Variants in FIP1L1 observed in about 807,000 individuals in gnomAD.
FIP1L1 encodes factor interacting with PAPOLA and CPSF1, also known as pre-mRNA 3'-end-processing factor FIP1.
In FIP1L1, 21 loss-of-function variants were observed where a neutral mutation model predicts 84.6. That is an observed-to-expected ratio of 0.25 (90% CI 0.18 to 0.36). FIP1L1 has a LOEUF of 0.36. Among genes scored for constraint, FIP1L1 ranks in the 10% least tolerant of loss-of-function variants. The probability of loss-of-function intolerance (pLI) is 1.00; values close to 1 mark genes in which losing one functional copy is unlikely to be tolerated. For missense variants in FIP1L1, 526 were observed against 751.1 expected (o/e 0.70, Z 3.50); for synonymous variants, 263 against 242.3 (o/e 1.09, Z -0.80).
intron 10 of FIP1L1, among the ~76,000 whole-genome samples, chr4:53,405,185 A>G (rs1412071034): frequency 1.3e-5 from 2 of 150,134 alleles, no homozygotes; most frequent in African/African-American, 5.0e-5. Flanking sequence ...TAATTTTTGT[A>G]TAAGGTGTAA....
rs1316199458 is a variant in FIP1L1 at position 53,459,786 on chromosome 4, T to G, written c.*337T>G. Reference sequence around the variant, plus strand: ...AAGGGTTCCACTTGGGCCACAGTTTTTTTGTTAATCAAACACCACTCTCTT... The same window carrying G: ...AAGGGTTCCACTTGGGCCACAGTTTGTTTGTTAATCAAACACCACTCTCTT... On this transcript the variant is annotated 3_prime_UTR_variant, in exon 18 of 18. Coordinates refer to ENST00000337488, the MANE Select transcript of FIP1L1 (RefSeq NM_030917.4). The G allele has an allele frequency of 3.1e-6, 1 of 320,502 alleles. No homozygotes were observed. The highest frequency in any genetic ancestry group is 2.2e-5 in the African/African-American group (1 of 46,410). The allele number at this position is 320,502 out of a possible 1,614,324, so 19.9% of individuals were successfully genotyped here.
chr4:53,425,547 A>G (rs764979944), intron 11 of FIP1L1, among the ~76,000 whole-genome samples: 4 of 152,068 alleles, frequency 2.6e-5, no homozygotes, highest in Non-Finnish European at 5.9e-5. Flanking sequence ...TTTGTCTAGC[A>G]TTTGCTGTCT....
At chr4:53,412,838 C>T (rs1390444989) in intron 10 of FIP1L1, among the ~76,000 whole-genome samples, 2 of 151,858 alleles carry the variant, frequency 1.3e-5, no homozygotes, top group Admixed American at 6.6e-5. Context: ...ATTTTAGTGC[C>T]AGTGATAATT....
At chr4:53,381,106 GA>G (rs527454913) in intron 3 of FIP1L1, among the ~76,000 whole-genome samples, 1 of 151,858 alleles carries the variant, frequency 6.6e-6, no homozygotes, top group African/African-American at 2.4e-5. Context: ...TCCTATGGGG[GA>G]AAAAACAATT....
At chr4:53,448,003 A>G (rs958132319) in intron 15 of FIP1L1, among the ~76,000 whole-genome samples, 1 of 151,992 alleles carries the variant, frequency 6.6e-6, no homozygotes, top group Non-Finnish European at 1.5e-5. Context: ...AACCTGTACC[A>G]TTGTTTTTCC....
chr4:53,437,660 G>A (rs1218254936), intron 13 of FIP1L1, among the ~76,000 whole-genome samples: 1 of 151,874 alleles, frequency 6.6e-6, no homozygotes, highest in Non-Finnish European at 1.5e-5. Context: ...TGTGTTTTAA[G>A]AGACTCTCCA....
rs868302580 is a variant in FIP1L1, at chr4:53,378,074, C to G, written c.85+151C>G. 4.8e-6 allele frequency: 3 copies of G among 625,260 alleles called. No homozygotes were observed. In the Middle Eastern group the frequency reaches 1.1e-3, roughly 221 times the overall value. 38.7% of individuals were successfully genotyped at this position (625,260 alleles called of 1,614,324 possible). ...TGACTTAGGCCGAGCGCGGCGTGCG[C>G]GTGCCCCCAGTCCCCGCGGCGGTCT... On this transcript the variant is annotated intron_variant, in intron 1 of 17. Transcript: ENST00000337488.
At chr4:53,437,275 G>A (rs1434652168) in intron 13 of FIP1L1, among the ~76,000 whole-genome samples, 3 of 138,280 alleles carry the variant, frequency 2.2e-5, no homozygotes, top group Non-Finnish European at 4.6e-5. Context: ...GTTGCAGTGA[G>A]CCGTGGTCAT....
At chr4:53,402,657 A>G (rs28418269) in intron 10 of FIP1L1, among the ~76,000 whole-genome samples, 19,773 of 152,196 alleles carry the variant, frequency 0.13, 2,563 homozygotes, top group African/African-American at 0.32. Flanking sequence ...AGCCAAGATC[A>G]CACCACTGCA....
At chr4:53,421,467 T>TCC (rs1762396853) in intron 11 of FIP1L1, among the ~76,000 whole-genome samples, 1 of 152,222 alleles carries the variant, frequency 6.6e-6, no homozygotes, top group African/African-American at 2.4e-5. Context: ...TACATGTCTT[T>TCC]TAAGGCTCAT....
intron 10 of FIP1L1, among the ~76,000 whole-genome samples, chr4:53,409,412 G>A (rs749125506): frequency 6.6e-6 from 1 of 152,158 alleles, no homozygotes; most frequent in Admixed American, 6.5e-5. Context: ...CCTACTGGGG[G>A]GTGTCTCCCA....
At chr4:53,393,658 G>C (rs1745511197) in intron 9 of FIP1L1, among the ~76,000 whole-genome samples, 1 of 151,630 alleles carries the variant, frequency 6.6e-6, no homozygotes, top group African/African-American at 2.4e-5. Context: ...AGAGAGAAGT[G>C]ACTAGTGGGA....
At chr4:53,420,384 G>C (rs545637716) in intron 11 of FIP1L1, among the ~76,000 whole-genome samples, 6 of 145,120 alleles carry the variant, frequency 4.1e-5, no homozygotes, top group Non-Finnish European at 3.0e-5. Flanking sequence ...AGCTGAGATC[G>C]TGCCATTGCA....
intron 11 of FIP1L1, among the ~76,000 whole-genome samples, chr4:53,419,601 G>A (rs913626359): frequency 6.6e-6 from 1 of 151,866 alleles, no homozygotes; most frequent in Non-Finnish European, 1.5e-5. Flanking sequence ...CACCATGCTC[G>A]GCTAATTTTT....
At chr4:53,417,696 G>T (rs576899497) in intron 11 of FIP1L1, among the ~76,000 whole-genome samples, 102 of 138,944 alleles carry the variant, frequency 7.3e-4, no homozygotes, top group Non-Finnish European at 1.2e-3. Flanking sequence ...AGATACCCTG[G>T]ATAAAAGCTA....
At chr4:53,381,100 A>G (rs1238960195) in intron 3 of FIP1L1, among the ~76,000 whole-genome samples, 2 of 152,056 alleles carry the variant, frequency 1.3e-5, no homozygotes, top group African/African-American at 2.4e-5. Flanking sequence ...ATTTCATCCT[A>G]TGGGGGAAAA....
intron 3 of FIP1L1, among the ~76,000 whole-genome samples, chr4:53,380,520 G>C (rs1737258501): frequency 6.6e-6 from 1 of 152,114 alleles, no homozygotes; most frequent in Non-Finnish European, 1.5e-5. Context: ...CAGTTGTCCT[G>C]TTTGAATGGG....
At chr4:53,404,870 G>C (rs1241610433) in intron 10 of FIP1L1, among the ~76,000 whole-genome samples, 2 of 151,316 alleles carry the variant, frequency 1.3e-5, no homozygotes, top group Non-Finnish European at 3.0e-5. Context: ...TTTTTTTCTT[G>C]TAAATTTGTT....
chr4:53,387,849 A>G (rs371005391), intron 5 of FIP1L1, among the ~76,000 whole-genome samples: 4 of 152,228 alleles, frequency 2.6e-5, no homozygotes, highest in African/African-American at 4.8e-5. Flanking sequence ...CTGAATTTGG[A>G]TTGTTAAAAT....
Sources: gnomAD v4.1 joint callset for allele counts (sites outside exome capture counted in the v4.1 genomes callset) on GRCh38, gnomAD v4.1.1 for gene constraint, MANE v1.5 for transcripts, NCBI Gene and HGNC (gene_info 2026-07-23, HGNC 2026-07-21) for gene names.